Variants in TENM3 observed in about 807,000 individuals in gnomAD.
TENM3 encodes the protein teneurin-3.
TENM3 carries 63 observed loss-of-function variants against 255.1 expected under a neutral mutation model. The ratio of observed to expected loss-of-function variants is 0.25; its 90% CI spans 0.20 to 0.30. The LOEUF (loss-of-function observed/expected upper bound fraction) is 0.30, where lower values mean the gene tolerates loss of function less well. TENM3 is among the 10% of genes least tolerant of loss of function. TENM3 has a pLI of 1.00. For missense variants in TENM3, 2,929 were observed against 3,461.1 expected (o/e 0.85, Z 3.86); for synonymous variants, 1,306 against 1,322.3 (o/e 0.99, Z 0.27).
At chr4:181,971,362 G>A in the TENM3 span, among the ~76,000 whole-genome samples, 2 of 152,100 alleles carry the variant, frequency 1.3e-5, no homozygotes, top group African/African-American at 2.4e-5. Flanking sequence ...AAAAAATGGA[G>A]GGAGGAAGAG....
At chr4:182,778,567 TC>T (rs1216104863) in intron 24 of TENM3, among the ~76,000 whole-genome samples, 2 of 151,888 alleles carry the variant, frequency 1.3e-5, no homozygotes, top group Admixed American at 6.6e-5. Context: ...CTTCCTTACT[TC>T]CCCCCATGAC....
the TENM3 span, among the ~76,000 whole-genome samples, chr4:181,835,695 G>A: frequency 6.6e-6 from 1 of 152,186 alleles, no homozygotes; most frequent in Non-Finnish European, 1.5e-5. Flanking sequence ...TGAAGAACGT[G>A]ATGAGGCTTG....
intron 1 of TENM3, among the ~76,000 whole-genome samples, chr4:182,216,940 T>A (rs537568976): frequency 3.3e-5 from 5 of 151,996 alleles, no homozygotes; most frequent in Non-Finnish European, 5.9e-5. Flanking sequence ...CTGGCTATGA[T>A]TCACACCACT....
the TENM3 span, among the ~76,000 whole-genome samples, chr4:181,981,159 C>T: frequency 3.9e-5 from 6 of 152,122 alleles, no homozygotes; most frequent in South Asian, 4.1e-4. Flanking sequence ...CATCGAGTCC[C>T]AAATCTTTTC....
intron 2 of TENM3, among the ~76,000 whole-genome samples, chr4:182,329,184 A>G (rs2150538088): frequency 1.3e-5 from 2 of 152,324 alleles, no homozygotes; most frequent in Middle Eastern, 6.8e-3. Context: ...CAACTCTGTT[A>G]GGATCGTGAA....
At chr4:182,797,426 C>T (rs1052712383) in intron 27 of TENM3, among the ~76,000 whole-genome samples, 10 of 144,468 alleles carry the variant, frequency 6.9e-5, no homozygotes, top group South Asian at 2.2e-4. Flanking sequence ...GCAACAAGAG[C>T]GAAACTCCGT....
At chr4:182,713,789 C>T (rs974792617) in intron 12 of TENM3, among the ~76,000 whole-genome samples, 3 of 152,110 alleles carry the variant, frequency 2.0e-5, no homozygotes, top group Non-Finnish European at 4.4e-5. Context: ...TACCTTGTTG[C>T]TTGGCTAAAG....
the TENM3 span, among the ~76,000 whole-genome samples, chr4:181,525,396 CAAAA>C: frequency 1.5e-4 from 15 of 97,292 alleles, no homozygotes; most frequent in Middle Eastern, 5.1e-3. Context: ...GACCCTGTTT[CAAAA>C]AAAAAAAAAA....
At chr4:181,923,092 C>G in the TENM3 span, among the ~76,000 whole-genome samples, 1 of 152,108 alleles carries the variant, frequency 6.6e-6, no homozygotes, top group Non-Finnish European at 1.5e-5. Flanking sequence ...GCACTGTGGT[C>G]TGAGAGACAG....
At chr4:182,777,206 C>T (rs1764745116) in intron 24 of TENM3, among the ~76,000 whole-genome samples, 1 of 152,148 alleles carries the variant, frequency 6.6e-6, no homozygotes, top group East Asian at 1.9e-4. Flanking sequence ...GAGGATGCCA[C>T]CTCTCTTACC....
chr4:181,591,325 A>G, the TENM3 span, among the ~76,000 whole-genome samples: 1 of 147,890 alleles, frequency 6.8e-6, no homozygotes, highest in Non-Finnish European at 1.5e-5. Context: ...GAAGTTTATT[A>G]AAAATTGAAA....
chr4:182,747,414 G>A lies in TENM3; in HGVS notation c.3629+3995G>A, dbSNP rs2152742438. ...ATTCTTAGCTATACTTTAGTGAATA[G>A]GTATAAATGTTACTGATCAACATAT... On this transcript the variant is annotated intron_variant, in intron 19 of 27. Transcript: ENST00000511685. Among the ~76,000 whole-genome samples the A allele has an allele frequency of 1.3e-5, 2 of 152,184 alleles. 1 individual carries two copies. Among genetic ancestry groups the A allele is most frequent in the South Asian group, 4.2e-4 (2 of 4,814 alleles).
chr4:181,880,521 T>C, the TENM3 span, among the ~76,000 whole-genome samples: 16 of 152,234 alleles, frequency 1.1e-4, no homozygotes, highest in Admixed American at 5.2e-4. Context: ...TTGACTGATA[T>C]ATTGTTAAAA....
chr4:181,802,305 T>A, the TENM3 span, among the ~76,000 whole-genome samples: 1 of 152,172 alleles, frequency 6.6e-6, no homozygotes, highest in Non-Finnish European at 1.5e-5. Flanking sequence ...CCAAGGACAT[T>A]ACAGAAAGAA....
intron 1 of TENM3, among the ~76,000 whole-genome samples, chr4:182,168,958 G>A (rs564787073): frequency 6.6e-6 from 1 of 152,004 alleles, no homozygotes; most frequent in African/African-American, 2.4e-5. Context: ...TTGTTTATAT[G>A]TATACTTACA....
At chr4:182,657,846 A>G (rs986714364) in intron 6 of TENM3, among the ~76,000 whole-genome samples, 1 of 152,076 alleles carries the variant, frequency 6.6e-6, no homozygotes, top group East Asian at 1.9e-4. Flanking sequence ...TTTTGTAGAC[A>G]GTGTTCCACC....
the TENM3 span, among the ~76,000 whole-genome samples, chr4:181,730,901 G>A: frequency 1.4e-4 from 22 of 152,204 alleles, no homozygotes; most frequent in Middle Eastern, 3.4e-3. Flanking sequence ...GGCAATTCTC[G>A]TATTTATTTG....
rs553848107 is a variant in TENM3 at position 182,342,212 on chromosome 4, T to C, written c.233-4439T>C. Among the ~76,000 whole-genome samples the C allele has an allele frequency of 2.0e-5, 3 of 152,270 alleles. No homozygotes were observed. In the South Asian group the frequency reaches 6.2e-4, roughly 32 times the overall value. ...AATGTTCCTGGAAGCATTCTCATAA[T>C]AGTAAAAAAGATAGAGATAACTCAA... On this transcript the variant is annotated intron_variant, in intron 2 of 27. Transcript: ENST00000511685.
chr4:181,574,449 T>C, the TENM3 span, among the ~76,000 whole-genome samples: 1 of 150,930 alleles, frequency 6.6e-6, no homozygotes, highest in African/African-American at 2.4e-5. Flanking sequence ...GAGAATGGCG[T>C]GAACCCGGGA....
Sources: gnomAD v4.1 joint callset for allele counts (sites outside exome capture counted in the v4.1 genomes callset) on GRCh38, gnomAD v4.1.1 for gene constraint, MANE v1.5 for transcripts, NCBI Gene and HGNC (gene_info 2026-07-23, HGNC 2026-07-21) for gene names.